Variants in PTK2 observed in about 807,000 individuals in gnomAD.
PTK2 encodes protein tyrosine kinase 2, also known as focal adhesion kinase 1.
In PTK2, 45 loss-of-function variants were observed where a neutral mutation model predicts 150.1. The ratio of observed to expected loss-of-function variants is 0.30; its 90% CI spans 0.24 to 0.38. The LOEUF (loss-of-function observed/expected upper bound fraction) is 0.38. Among genes scored for constraint, PTK2 ranks in the 10% least tolerant of loss-of-function variants. PTK2 has a pLI of 1.00. For missense variants in PTK2, 919 were observed against 1,307.3 expected (o/e 0.70, Z 4.58); for synonymous variants, 432 against 449.2 (o/e 0.96, Z 0.48).
rs943368255 is a variant in PTK2, at chr8:140,902,720, G to T, written c.-32-11951C>A. Among the ~76,000 whole-genome samples the T allele has an allele frequency of 2.6e-5, 4 of 152,108 alleles. No individual in the cohort carries two copies. In the South Asian group the frequency reaches 8.3e-4, roughly 32 times the overall value. ...TGTCTCTAATGACCAGTGATGATGA[G>T]CTTTTTTTCATATGTTTATTGGCCA... On this transcript the variant is annotated intron_variant, in intron 2 of 31. Coordinates refer to ENST00000522684, the Ensembl canonical transcript of PTK2.
intron 1 of PTK2, among the ~76,000 whole-genome samples, chr8:140,974,678 G>A (rs1289499888): frequency 6.6e-6 from 1 of 152,148 alleles, no homozygotes; most frequent in Non-Finnish European, 1.5e-5. Context: ...CACCAGATGT[G>A]TACAATCTAA....
In PTK2 at chr8:140,980,890, A is replaced by G. The variant is rs1588501215; in HGVS notation, c.-122+20235T>C. On this transcript the variant is annotated intron_variant, in intron 1 of 31. Coordinates refer to ENST00000522684, the Ensembl canonical transcript of PTK2. ...CTCAGCCTCCTGAGTAGCCAGGATT[A>G]CAGGTGCCCGCCACCATGGCCAGCT... Among the ~76,000 whole-genome samples, 3 of 149,398 alleles carry G rather than the reference A, an allele frequency of 2.0e-5. No homozygotes were observed. The South Asian group carries it at 6.3e-4, about 32-fold the overall frequency.
At chr8:140,674,474 T>C in intron 28 of PTK2, 70 bp from the exon 32 acceptor site, 2 of 1,367,132 alleles carry the variant, frequency 1.5e-6, no homozygotes, top group Non-Finnish European at 2.0e-6. Flanking sequence ...GGGCAGTGGC[T>C]CATGCCTATA....
intron 4 of PTK2, among the ~76,000 whole-genome samples, chr8:140,869,705 T>C (rs1385046328): frequency 1.3e-5 from 2 of 152,038 alleles, no homozygotes; most frequent in African/African-American, 4.8e-5. Context: ...AATTCATCAA[T>C]TCATACACAA....
chr8:140,884,988 G>T (rs2100151748), intron 3 of PTK2, among the ~76,000 whole-genome samples: 1 of 152,120 alleles, frequency 6.6e-6, no homozygotes. Flanking sequence ...AAAGTTCAAT[G>T]TACCAGTCAG....
At chr8:140,871,979 T>C (rs1317994526) in intron 4 of PTK2, among the ~76,000 whole-genome samples, 1 of 151,892 alleles carries the variant, frequency 6.6e-6, no homozygotes, top group Non-Finnish European at 1.5e-5. Context: ...GAGGCCAAGG[T>C]GGGCAGATCA....
intron 2 of PTK2, among the ~76,000 whole-genome samples, chr8:140,902,924 G>GTTTTTTTTTTTTTTTTTTT (rs61261890): frequency 5.1e-5 from 3 of 58,964 alleles, no homozygotes; most frequent in East Asian, 3.9e-4. Context: ...GATGAGAGTT[G>GTTTTTTTTTTTTTTTTTTT]TTTTTTTTTT....
intron 22 of PTK2, chr8:140,721,583 G>A (rs998259771): frequency 3.3e-5 from 5 of 151,980 alleles, no homozygotes; most frequent in African/African-American, 7.2e-5. Context: ...GCTAGGGCAT[G>A]TGCACACATG....
chr8:141,000,087 T>TCTCACACACACACACACACACACACACA (rs765058833), intron 1 of PTK2, among the ~76,000 whole-genome samples: 9 of 81,608 alleles, frequency 1.1e-4, no homozygotes, highest in South Asian at 4.3e-4. Context: ...TGAAACCAAT[T>TCTCACACACACACACACACACACACACA]CACACACACA....
intron 2 of PTK2, among the ~76,000 whole-genome samples, chr8:140,903,060 T>G (rs533036167): frequency 6.6e-6 from 1 of 151,102 alleles, no homozygotes; most frequent in Non-Finnish European, 1.5e-5. Context: ...TGCCCATGCC[T>G]ATGTCCTGAA....
intron 10 of PTK2, among the ~76,000 whole-genome samples, chr8:140,815,767 A>G (rs1164714926): frequency 6.6e-6 from 1 of 152,124 alleles, no homozygotes; most frequent in East Asian, 1.9e-4. Flanking sequence ...AACTATTAAT[A>G]TAATCTACTA....
chr8:140,662,719 TC>T, intron 31 of PTK2: 1 of 594,214 alleles, frequency 1.7e-6, no homozygotes. Flanking sequence ...AACTGGAACA[TC>T]CCCTGGACAT....
chr8:140,794,637 A>C (rs2100090549), intron 12 of PTK2, among the ~76,000 whole-genome samples: 1 of 152,090 alleles, frequency 6.6e-6, no homozygotes, highest in Non-Finnish European at 1.5e-5. Flanking sequence ...GGCCTCCCGA[A>C]CCTTGTACTA....
At chr8:140,927,119 A>G (rs1180985586) in intron 1 of PTK2, among the ~76,000 whole-genome samples, 1 of 152,238 alleles carries the variant, frequency 6.6e-6, no homozygotes, top group Non-Finnish European at 1.5e-5. Flanking sequence ...CAAAGTGTTC[A>G]ATCTATCCAT....
At chr8:140,669,626 C>T (rs2094512720) in intron 29 of PTK2, 101 bp downstream of exon 33, 6 of 1,356,870 alleles carry the variant, frequency 4.4e-6, no homozygotes, top group Non-Finnish European at 6.0e-6. Context: ...GCCGAAGTGC[C>T]CTCCCACTTG....
chr8:140,941,928 G>A lies in PTK2; in HGVS notation c.-121-16179C>T, dbSNP rs191142600. 5.9e-5 allele frequency among the ~76,000 whole-genome samples: 9 copies of A among 151,542 alleles called. No homozygotes were observed. The South Asian group carries it at 1.0e-3, about 18-fold the overall frequency. On this transcript the variant is annotated intron_variant, in intron 1 of 31. Coordinates refer to ENST00000522684, the Ensembl canonical transcript of PTK2. ...TATTGAGAGAGGGACTTGCTCTGTCGTCCAGGCTGCAGTGCAGTGGGGTGA... is the reference window on the plus strand; with the variant it reads ...TATTGAGAGAGGGACTTGCTCTGTCATCCAGGCTGCAGTGCAGTGGGGTGA...
intron 5 of PTK2, among the ~76,000 whole-genome samples, chr8:140,863,257 A>G (rs1428820625): frequency 6.6e-6 from 1 of 152,176 alleles, no homozygotes; most frequent in Non-Finnish European, 1.5e-5. Flanking sequence ...TTATTATAAT[A>G]TACTTTCACT....
intron 1 of PTK2, chr8:140,984,162 C>CA (rs71507433): frequency 0.02 from 2,072 of 105,964 alleles, 40 homozygotes; most frequent in East Asian, 0.12. Flanking sequence ...GACTCTGTCT[C>CA]AAAAAAAAAC....
intron 8 of PTK2, among the ~76,000 whole-genome samples, chr8:140,828,041 C>T (rs2100112908): frequency 6.6e-6 from 1 of 151,934 alleles, no homozygotes; most frequent in African/African-American, 2.4e-5. Context: ...GTGGCAGGCA[C>T]CTGTAGTCCC....
Sources: gnomAD v4.1 joint callset for allele counts (sites outside exome capture counted in the v4.1 genomes callset) on GRCh38, gnomAD v4.1.1 for gene constraint, MANE v1.5 for transcripts, NCBI Gene and HGNC (gene_info 2026-07-23, HGNC 2026-07-21) for gene names.